Variants in PTK2B observed in about 807,000 individuals in gnomAD.
The protein encoded by PTK2B is protein tyrosine kinase 2 beta.
A neutral mutation model predicts 142.9 loss-of-function variants in PTK2B; 71 were observed. That is an observed-to-expected ratio of 0.50 (90% CI 0.41 to 0.61). The LOEUF is 0.61. PTK2B is among the 20% of genes least tolerant of loss of function. The probability of loss-of-function intolerance (pLI) is 0.00; values close to 1 mark genes in which losing one functional copy is unlikely to be tolerated. For synonymous variants in PTK2B, 519 were observed against 503.4 expected, an observed-to-expected ratio of 1.03 and a Z score of -0.42; for missense variants, 1,105 against 1,320.4, an observed-to-expected ratio of 0.84 and a Z score of 2.53.
At chr8:27,385,091 A>G (rs527990047) in intron 1 of PTK2B, among the ~76,000 whole-genome samples, 1 of 152,268 alleles carries the variant, frequency 6.6e-6, no homozygotes, top group East Asian at 1.9e-4. Context: ...GCCTTTGGGA[A>G]GTTACTCTGC....
rs1049521766 is a variant in PTK2B, at chr8:27,357,662, A to T, written c.-38+31981A>T. On this transcript the variant is annotated intron_variant, in intron 1 of 30. Coordinates refer to ENST00000346049, the MANE Select transcript of PTK2B (RefSeq NM_173176.3). ...AAATGGGTCAGGTTAGAGAGAGGAG[A>T]TGCCTTTTTTGAAGAGGAGATCTGA... Among the ~76,000 whole-genome samples, 43 of 152,304 alleles carry T rather than the reference A, an allele frequency of 2.8e-4. 1 individual carries two copies. Among genetic ancestry groups the T allele is most frequent in the Non-Finnish European group, 3.2e-4 (22 of 68,014 alleles).
chr8:27,346,011 T>A (rs2130296354), intron 1 of PTK2B, among the ~76,000 whole-genome samples: 1 of 152,278 alleles, frequency 6.6e-6, no homozygotes, highest in East Asian at 1.9e-4. Flanking sequence ...AAGATTCATG[T>A]CTCACCCCTC....
chr8:27,454,127 C>T, intron 28 of PTK2B, 27 bp from the exon 29 acceptor site: 2 of 1,613,724 alleles, frequency 1.2e-6, no homozygotes, highest in Non-Finnish European at 1.7e-6. Flanking sequence ...CTCCCCAACT[C>T]ACTGGCCACC....
At chr8:27,433,342 G>A (rs1456822260) in intron 10 of PTK2B, 93 bp from the exon 11 acceptor site, 2 of 1,084,214 alleles carry the variant, frequency 1.8e-6, no homozygotes, top group Non-Finnish European at 2.7e-6. Flanking sequence ...GGCAAGGGTT[G>A]TGGCAGGGGT....
At position 27,430,116 on chromosome 8, in the gene PTK2B, A is replaced by G; in HGVS notation, c.575A>G (p.His192Arg). The stretch of plus-strand genomic sequence containing the variant: ...AGGCGGTTCTTCAAGGATATGCCCC[A>G]CAATGCACTTGACAAGAAGTCCAAC... ...ELRRFFKDMP[H>R]NALDKKSNFE... is the part of the protein sequence containing the mutation. The change falls in exon 6 of 31, where the codon CAC (histidine) becomes CGC (arginine). Residue 192 changes from histidine to arginine, a missense_variant. By Grantham distance (29) the His-to-Arg change is conservative. Transcript: ENST00000346049. 1 of 1,613,978 alleles carries G rather than the reference A, an allele frequency of 6.2e-7. No homozygotes were observed. The highest frequency in any genetic ancestry group is 8.5e-7 in the Non-Finnish European group (1 of 1,179,910).
chr8:27,344,221 T>C (rs929633580), intron 1 of PTK2B, among the ~76,000 whole-genome samples: 3 of 152,126 alleles, frequency 2.0e-5, no homozygotes, highest in Non-Finnish European at 2.9e-5. Context: ...AGGTTGGAAC[T>C]GATATTATTG....
chr8:27,311,263 G>A, upstream of PTK2B: 5 of 1,476,084 alleles, frequency 3.4e-6, no homozygotes, highest in Non-Finnish European at 4.5e-6. Context: ...CGGGCGCCCG[G>A]AACTTTTGCT....
intron 21 of PTK2B, among the ~76,000 whole-genome samples, chr8:27,441,447 C>G (rs1409282400): frequency 6.6e-6 from 1 of 152,192 alleles, no homozygotes; most frequent in African/African-American, 2.4e-5. Flanking sequence ...ATTTTTAATA[C>G]TGTACTTTAA....
rs1383840997 is a variant in PTK2B at position 27,459,376 on chromosome 8, G to T, written c.*867G>T. The T allele has an allele frequency of 3.0e-5, 7 of 232,822 alleles. No homozygotes were observed. The Admixed American group carries it at 3.4e-4, about 11-fold the overall frequency. 14.4% of individuals were successfully genotyped at this position (232,822 alleles called of 1,614,324 possible). A position where few individuals can be genotyped will look rare whatever the true frequency, so the allele number is the denominator to read the frequency against. ...TTTGACTTGTGGTTGAATTAAAATT[G>T]TCCCATTTGCTTTGCGGTTTGTTTT... On this transcript the variant is annotated 3_prime_UTR_variant, in exon 31 of 31. Transcript: ENST00000346049.
chr8:27,395,258 A>G (rs546114648), intron 1 of PTK2B, among the ~76,000 whole-genome samples: 1 of 152,240 alleles, frequency 6.6e-6, no homozygotes, highest in South Asian at 2.1e-4. Flanking sequence ...CACCACGAAC[A>G]CATGAGTCAT....
At position 27,400,930 on chromosome 8, in the gene PTK2B, G is replaced by A. The variant is rs1467864583; in HGVS notation, c.204+3142G>A. Among the ~76,000 whole-genome samples the A allele has an allele frequency of 5.9e-5, 9 of 152,220 alleles. No individual in the cohort carries two copies. In the East Asian group the frequency reaches 1.2e-3, roughly 20 times the overall value. Reference sequence around the variant, plus strand: ...AACAGAAGAAAAACAGATCCAGCACGAGGTCAGGCGTTCGAGACCAGCCTG... The same window carrying A: ...AACAGAAGAAAAACAGATCCAGCACAAGGTCAGGCGTTCGAGACCAGCCTG... On this transcript the variant is annotated intron_variant, in intron 2 of 30. Transcript: ENST00000346049.
intron 1 of PTK2B, among the ~76,000 whole-genome samples, chr8:27,379,480 G>A (rs1292758876): frequency 1.3e-5 from 2 of 152,124 alleles, no homozygotes; most frequent in African/African-American, 2.4e-5. Flanking sequence ...TACCTACCTC[G>A]GCCTCCCAAA....
At chr8:27,320,533 G>A (rs1267302802) in intron 3 of PTK2B, among the ~76,000 whole-genome samples, 2 of 152,098 alleles carry the variant, frequency 1.3e-5, no homozygotes, top group Non-Finnish European at 1.5e-5. Context: ...CCCCTCCTTA[G>A]GTTTGATTAA....
upstream of PTK2B, among the ~76,000 whole-genome samples, chr8:27,324,845 A>G (rs1278789823): frequency 6.6e-6 from 1 of 152,216 alleles, no homozygotes; most frequent in African/African-American, 2.4e-5. Flanking sequence ...TCCTAGGGAT[A>G]GGGAAGAAGT....
chr8:27,320,109 C>T (rs1478796674), intron 3 of PTK2B, among the ~76,000 whole-genome samples: 2 of 152,086 alleles, frequency 1.3e-5, no homozygotes, highest in Non-Finnish European at 2.9e-5. Context: ...AGTCTGGCCC[C>T]TCCTTTTCCT....
In PTK2B at chr8:27,430,145, G is replaced by C. The variant is rs1342502836; in HGVS notation, c.604G>C (p.Glu202Gln). The change falls in exon 6 of 31, where the codon GAG becomes CAG. Residue 202 changes from glutamate (E) to glutamine (Q), a missense_variant. Physicochemically the swap from Glu to Gln is conservative, Grantham distance 29. Transcript: ENST00000346049. ...HNALDKKSNF[E>Q]LLEKEVGLDL... ...TGCACTTGACAAGAAGTCCAACTTCGAGCTCCTAGAGTAAGTTCTGGGATC... is the reference window on the plus strand; with the variant it reads ...TGCACTTGACAAGAAGTCCAACTTCCAGCTCCTAGAGTAAGTTCTGGGATC... The C allele has an allele frequency of 6.2e-7, 1 of 1,613,176 alleles. No homozygotes were observed. Among genetic ancestry groups the C allele is most frequent in the Non-Finnish European group, 8.5e-7 (1 of 1,179,352 alleles).
intron 3 of PTK2B, among the ~76,000 whole-genome samples, chr8:27,420,436 G>A (rs1809671963): frequency 6.6e-6 from 1 of 152,210 alleles, no homozygotes; most frequent in Non-Finnish European, 1.5e-5. Context: ...GTCAGGGATA[G>A]CTCAGACCAC....
intron 1 of PTK2B, among the ~76,000 whole-genome samples, chr8:27,326,383 G>A (rs1441039118): frequency 6.6e-6 from 1 of 152,160 alleles, no homozygotes; most frequent in Non-Finnish European, 1.5e-5. Flanking sequence ...GGGTGGGTGA[G>A]CGTGGAGCGG....
chr8:27,451,773 A>G (rs1393237418), intron 27 of PTK2B: 1 of 1,331,738 alleles, frequency 7.5e-7, no homozygotes, highest in African/African-American at 1.5e-5. Context: ...CCCCTCCTGC[A>G]TTAGTTTGGA....
Sources: gnomAD v4.1 joint callset for allele counts (sites outside exome capture counted in the v4.1 genomes callset) on GRCh38, gnomAD v4.1.1 for gene constraint, MANE v1.5 for transcripts, NCBI Gene and HGNC (gene_info 2026-07-23, HGNC 2026-07-21) for gene names.